EQTN: variants seen among roughly 807,000 people sequenced by gnomAD.
The protein encoded by EQTN is equatorin.
EQTN carries 29 observed loss-of-function variants against 26.9 expected under a neutral mutation model. The observed-to-expected ratio is 1.08, with a 90% confidence interval of 0.80 to 1.47. The LOEUF (loss-of-function observed/expected upper bound fraction) is 1.47, where lower values mean the gene tolerates loss of function less well. Among genes scored for constraint, EQTN ranks in the 40% most tolerant of loss-of-function variants. The pLI is 0.00. For missense variants in EQTN, 391 were observed against 346.1 expected (o/e 1.13, Z -1.03); for synonymous variants, 129 against 120.0 (o/e 1.07, Z -0.49).
In EQTN at chr9:27,292,499, GA is replaced by G; in HGVS notation, c.290-13del. 2.0e-6 allele frequency: 3 copies of G among 1,534,834 alleles called. No homozygotes were observed. Among genetic ancestry groups the G allele is most frequent in the African/African-American group, 1.4e-5 (1 of 72,382 alleles). On this transcript the variant is annotated splice_polypyrimidine_tract_variant and intron_variant, in intron 3 of 7. Coordinates refer to ENST00000380032, the MANE Select transcript of EQTN (RefSeq NM_020641.3). ...ATTGACAGTTTTATCTAGGAAAAGGGAAAAAGAATTATCAGCATGTAAAAAT... is the reference window on the plus strand; with the variant it reads ...ATTGACAGTTTTATCTAGGAAAAGGGAAAAGAATTATCAGCATGTAAAAAT...
chr9:27,290,226 C>T (rs891267570), intron 5 of EQTN, among the ~76,000 whole-genome samples: 1 of 151,964 alleles, frequency 6.6e-6, no homozygotes, highest in Non-Finnish European at 1.5e-5. Flanking sequence ...ACAAAAAATG[C>T]AAAAAACGTG....
intron 6 of EQTN, among the ~76,000 whole-genome samples, chr9:27,287,240 A>G: frequency 6.6e-6 from 1 of 152,196 alleles, no homozygotes; most frequent in African/African-American, 2.4e-5. Context: ...TTCCATGTCT[A>G]TATTCTCTGA....
Position 27,296,722 on chromosome 9 carries a change from T to C in EQTN, c.93A>G (p.Leu31=). 1 of 1,609,850 alleles carries C rather than the reference T, an allele frequency of 6.2e-7. No individual in the cohort carries two copies. Residue 31 remains leucine (L), a synonymous_variant, in exon 2 of 8, where the codon CTA becomes CTG. Transcript: ENST00000380032. ...KPTIEALPNV[L]PLNEDVNKQE... ...GCTTATTAACATCTTCATTTAAAGG[T>C]AGCACATTAGGCAATGCTAAAAAAA...
intron 3 of EQTN, among the ~76,000 whole-genome samples, chr9:27,293,183 C>G (rs1820271346): frequency 6.6e-6 from 1 of 152,140 alleles, no homozygotes; most frequent in Non-Finnish European, 1.5e-5. Flanking sequence ...AAAATTCACA[C>G]CAAGCCCACA....
At chr9:27,295,831 CAAAA>C (rs67401588) in intron 2 of EQTN, among the ~76,000 whole-genome samples, 23 of 69,294 alleles carry the variant, frequency 3.3e-4, no homozygotes, top group African/African-American at 1.9e-3. Context: ...GACTCCGTCT[CAAAA>C]AAAAAAAAAA....
In EQTN at chr9:27,284,734, C is replaced by G. The variant is rs1413785073; in HGVS notation, c.874G>C (p.Val292Leu). ...DNEMHENDESVTR is the reference protein window; with the variant it reads ...DNEMHENDESLTR ...GTTCCTTGATTTCTTCACCGGGTAA[C>G]CGACTCATCGTTTTCATGCATCTCA... is the stretch of plus-strand genomic sequence containing the variant. The change falls in exon 8 of 8, where the codon GTT (valine) becomes CTT (leucine). Residue 292 changes from valine to leucine, a missense_variant. Val to Leu is a conservative substitution (Grantham distance 32, BLOSUM62 1). Transcript: ENST00000380032. 6.2e-7 allele frequency: 1 copy of G among 1,613,474 alleles called. No homozygotes were observed. Among genetic ancestry groups the G allele is most frequent in the Non-Finnish European group, 8.5e-7 (1 of 1,179,730 alleles).
intron 7 of EQTN, among the ~76,000 whole-genome samples, chr9:27,285,356 ATGG>A (rs1820099128): frequency 1.3e-5 from 2 of 151,842 alleles, no homozygotes; most frequent in Non-Finnish European, 2.9e-5. Context: ...GTTGGCCATG[ATGG>A]TCTTGATTTC....
intron 1 of EQTN, 25 bp from the exon 2 acceptor site, chr9:27,296,763 A>G: frequency 6.3e-7 from 1 of 1,592,204 alleles, no homozygotes; most frequent in Non-Finnish European, 8.5e-7. Flanking sequence ...CACACACCAT[A>G]GATCAGAAAT....
chr9:27,287,338 G>A (rs918260884), intron 6 of EQTN, among the ~76,000 whole-genome samples: 2 of 152,164 alleles, frequency 1.3e-5, no homozygotes, highest in Admixed American at 1.3e-4. Context: ...TTCGAGGCCT[G>A]TTATTTTGGG....
chr9:27,288,341 A>T (rs1820161623), intron 6 of EQTN, among the ~76,000 whole-genome samples: 1 of 152,146 alleles, frequency 6.6e-6, no homozygotes, highest in Non-Finnish European at 1.5e-5. Flanking sequence ...AGGAGCTCAC[A>T]TTGATTGCTG....
chr9:27,295,844 A>C (rs905824856), intron 2 of EQTN, among the ~76,000 whole-genome samples: 11 of 150,894 alleles, frequency 7.3e-5, no homozygotes, highest in African/African-American at 1.9e-4. Flanking sequence ...AAAAAAAAAA[A>C]AAAAAAAAAA....
In EQTN at chr9:27,296,969, T is replaced by C; in HGVS notation, c.76+11A>G. ...CTACTATTTTTATAAAAGTTTTAAA[T>C]GCTCTCTCACCTTCAATAGTAGGCT... On this transcript the variant is annotated intron_variant, in intron 1 of 7. Coordinates refer to ENST00000380032, the MANE Select transcript of EQTN (RefSeq NM_020641.3). The C allele has an allele frequency of 1.2e-6, 2 of 1,608,776 alleles. No individual in the cohort carries two copies. The highest frequency in any genetic ancestry group is 1.7e-6 in the Non-Finnish European group (2 of 1,178,714).
chr9:27,287,382 G>A (rs1039652151), intron 6 of EQTN, among the ~76,000 whole-genome samples: 2 of 152,162 alleles, frequency 1.3e-5, no homozygotes, highest in African/African-American at 4.8e-5. Flanking sequence ...AATGGGCTGT[G>A]CTCCTGAATT....
At chr9:27,296,510 C>T (rs1245981803) in intron 2 of EQTN, 103 bp downstream of exon 2, 3 of 821,782 alleles carry the variant, frequency 3.7e-6, no homozygotes, top group Non-Finnish European at 5.5e-6. Flanking sequence ...ATAAAATACC[C>T]AACAAATACA....
intron 4 of EQTN, chr9:27,292,062 A>G (rs1820245482): frequency 6.4e-6 from 1 of 155,302 alleles, no homozygotes; most frequent in South Asian, 2.1e-4. Context: ...ATTTTCCATT[A>G]TTAGCAAAAT....
intron 2 of EQTN, among the ~76,000 whole-genome samples, chr9:27,296,320 C>T (rs1035992516): frequency 2.6e-5 from 4 of 151,968 alleles, no homozygotes; most frequent in Admixed American, 6.6e-5. Context: ...AAACTGAATA[C>T]GATACAATAA....
In EQTN at chr9:27,297,085, C is replaced by G. The variant is rs769596555; in HGVS notation, c.-30G>C. On this transcript the variant is annotated 5_prime_UTR_variant, in exon 1 of 8. Coordinates refer to ENST00000380032, the MANE Select transcript of EQTN (RefSeq NM_020641.3). ...AAATTGAAGTGATTTATCCAGTAAT[C>G]TAGTGCGTCTACCCAGAGCCTCCTT... 6.6e-7 allele frequency: 1 copy of G among 1,507,448 alleles called. No homozygotes were observed. The highest frequency in any genetic ancestry group is 9.2e-7 in the Non-Finnish European group (1 of 1,091,064). 93.4% of individuals were successfully genotyped at this position (1,507,448 alleles called of 1,614,324 possible).
chr9:27,296,976 T>G lies in EQTN; in HGVS notation c.76+4A>C. ...TTTTATAAAAGTTTTAAATGCTCTC[T>G]CACCTTCAATAGTAGGCTTCAAAGT... On this transcript the variant is annotated splice_donor_region_variant and intron_variant, in intron 1 of 7. Transcript: ENST00000380032. The G allele has an allele frequency of 6.2e-7, 1 of 1,610,962 alleles. No individual in the cohort carries two copies. Among genetic ancestry groups the G allele is most frequent in the Non-Finnish European group, 8.5e-7 (1 of 1,179,090 alleles).
At chr9:27,289,933 G>C (rs1360946086) in intron 5 of EQTN, among the ~76,000 whole-genome samples, 1 of 152,220 alleles carries the variant, frequency 6.6e-6, no homozygotes, top group Non-Finnish European at 1.5e-5. Context: ...TACAGGGTTA[G>C]ATTCCTGCAA....
Sources: gnomAD v4.1 joint callset for allele counts (sites outside exome capture counted in the v4.1 genomes callset) on GRCh38, gnomAD v4.1.1 for gene constraint, MANE v1.5 for transcripts, NCBI Gene and HGNC (gene_info 2026-07-23, HGNC 2026-07-21) for gene names.